The following SPPL2B variants were observed in gnomAD, a reference collection of about 807,000 sequenced individuals.
The protein encoded by SPPL2B is signal peptide peptidase-like 2B.
In SPPL2B, 39 loss-of-function variants were observed where a neutral mutation model predicts 59.7. The observed-to-expected ratio is 0.65, with a 90% CI of 0.51 to 0.85. The LOEUF is 0.85. Among genes scored for constraint, SPPL2B ranks in the 40% least tolerant of loss-of-function variants. The pLI is 0.00. For missense variants in SPPL2B, 865 were observed against 849.0 expected, an observed-to-expected ratio of 1.02 and a Z score of -0.23; for synonymous variants, 419 against 370.8, an observed-to-expected ratio of 1.13 and a Z score of -1.49.
At position 2,331,200 on chromosome 19, in the gene SPPL2B, A is replaced by T. The variant is rs188665231; in HGVS notation, c.66+2425A>T. ...CCCGGCCCGGCTCCTGGAACTCCTC[A>T]GTCTTCCCAGAAGGGAGGCTCTCCC... On this transcript the variant is annotated intron_variant, in intron 1 of 14. Transcript: ENST00000613503. Among the ~76,000 whole-genome samples, 587 of 151,766 alleles carry T rather than the reference A, an allele frequency of 3.9e-3. 4 individuals are homozygous for T. The highest frequency in any genetic ancestry group is 0.02 in the Middle Eastern group (6 of 294).
rs549164631 is a variant in SPPL2B at position 2,344,485 on chromosome 19, T to C, written c.1176+61T>C. 102 of 1,569,624 alleles carry C rather than the reference T, an allele frequency of 6.5e-5. 1 individual carries two copies. In the South Asian group the frequency reaches 1.0e-3, roughly 16 times the overall value. On this transcript the variant is annotated intron_variant, in intron 11 of 14. Transcript: ENST00000613503. ...GGGTCAAGGTGTTGCGCGGAGCGGA[T>C]AGGGCTCGAGGCATCCCGCGGCCGG... is the stretch of plus-strand genomic sequence containing the variant.
Position 2,353,432 on chromosome 19 carries a change from G to T in SPPL2B, c.*223G>T. Reference sequence around the variant, plus strand: ...ACGCCTGCTGCTCCCAGCTCGCCCGGCTGCCACAAGCTCTCTGCGGGTCCA... The same window carrying T: ...ACGCCTGCTGCTCCCAGCTCGCCCGTCTGCCACAAGCTCTCTGCGGGTCCA... On this transcript the variant is annotated 3_prime_UTR_variant, in exon 15 of 15. Coordinates refer to ENST00000613503, the MANE Select transcript of SPPL2B (RefSeq NM_152988.3). 1.7e-6 allele frequency: 1 copy of T among 578,920 alleles called. No homozygotes were observed. The highest frequency in any genetic ancestry group is 3.0e-6 in the Non-Finnish European group (1 of 333,980). 35.9% of individuals were successfully genotyped at this position (578,920 alleles called of 1,614,324 possible). A position where few individuals can be genotyped will look rare whatever the true frequency, so the allele number is the denominator to read the frequency against.
intron 14 of SPPL2B, 75 bp from the exon 15 acceptor site, chr19:2,352,871 G>T: frequency 6.5e-7 from 1 of 1,537,888 alleles, no homozygotes; most frequent in Non-Finnish European, 8.9e-7. Flanking sequence ...TGCGGGTGCT[G>T]GGTGTCCTGG....
rs139159373 is a variant in SPPL2B at position 2,347,139 on chromosome 19, G to A, written c.1354+1809G>A. ...TCTCTCTCCCTCCACACACACTTAC[G>A]CGCTCTCATTCACCTGATTCCGTTC... On this transcript the variant is annotated intron_variant, in intron 13 of 14. Transcript: ENST00000613503. Among the ~76,000 whole-genome samples the A allele has an allele frequency of 3.2e-3, 465 of 145,056 alleles. 3 individuals are homozygous for A. The highest frequency in any genetic ancestry group is 0.011 in the African/African-American group (420 of 37,050).
rs1037948855 is a variant in SPPL2B at position 2,352,947 on chromosome 19, A to G, written c.1517A>G (p.Lys506Arg). 2 of 1,612,012 alleles carry G rather than the reference A, an allele frequency of 1.2e-6. No individual in the cohort carries two copies. Among genetic ancestry groups the G allele is most frequent in the African/African-American group, 2.7e-5 (2 of 74,948 alleles). ...ACCTCTGCCTCCCTTCTCCTGTAGA[A>G]AGTCCTACCTCCATCTCCGTGGGCC... ...GVFWTGSGFA[K>R]VLPPSPWAPA... The change falls in exon 15 of 15, where the codon AAA (lysine) becomes AGA (arginine). Residue 506 changes from lysine to arginine, a missense_variant and splice_region_variant. Transcript: ENST00000613503.
rs749912935 is a variant in SPPL2B at position 2,344,622 on chromosome 19, C to G, written c.1246C>G (p.Leu416Val). The change falls in exon 12 of 15, where the codon CTC becomes GTC. Residue 416 changes from leucine to valine, a missense_variant. Transcript: ENST00000613503. The stretch of plus-strand genomic sequence containing the variant: ...GGCCCTGTGTGACCGGCCCTTCTCC[C>G]TCCTGGGTTTCGGAGACATTTTGGT... ...PLALCDRPFS[L>V]LGFGDILVPG... The G allele has an allele frequency of 2.5e-6, 4 of 1,612,774 alleles. No individual in the cohort carries two copies. In the Admixed American group the frequency reaches 5.0e-5, roughly 20 times the overall value.
In SPPL2B at chr19:2,348,112, G is replaced by A. The variant is rs1165354217; in HGVS notation, c.1354+2782G>A. 4.6e-5 allele frequency among the ~76,000 whole-genome samples: 4 copies of A among 86,126 alleles called. No homozygotes were observed. In the East Asian group the frequency reaches 1.1e-3, roughly 24 times the overall value. 56.5% of individuals were successfully genotyped at this position (86,126 alleles called of 152,430 possible). A position where few individuals can be genotyped will look rare whatever the true frequency, so the allele number is the denominator to read the frequency against. On this transcript the variant is annotated intron_variant, in intron 13 of 14. Transcript: ENST00000613503. ...CATGCGCTGTCATTCGCTTGATTCC[G>A]TTCTCTCTCCACACACACTCACGCT...
At chr19:2,352,637 C>T (rs1969988936) in intron 14 of SPPL2B, among the ~76,000 whole-genome samples, 2 of 152,112 alleles carry the variant, frequency 1.3e-5, no homozygotes, top group African/African-American at 4.8e-5. Context: ...TCAGAAGGTT[C>T]AGGAGAAGCC....
chr19:2,348,405 G>A (rs1229537613), intron 13 of SPPL2B, among the ~76,000 whole-genome samples: 5 of 75,116 alleles, frequency 6.7e-5, no homozygotes, highest in Admixed American at 1.4e-4. Flanking sequence ...ACAGACTCAC[G>A]CGCTCTCATT....
rs1464459258 is a variant in SPPL2B at position 2,354,876 on chromosome 19, G to GA, written c.*1668dup. The GA allele has an allele frequency of 1.3e-5, 2 of 152,334 alleles. No homozygotes were observed. Among genetic ancestry groups the GA allele is most frequent in the African/African-American group, 4.8e-5 (2 of 41,472 alleles). The allele number at this position is 152,334 out of a possible 1,614,324, so 9.4% of individuals were successfully genotyped here. ...TGTGCAGGTCCCGGTGAGCAGAACT[G>GA]AGAGCTGGCAGGCCGCCTGGCTGTC... is the stretch of plus-strand genomic sequence containing the variant. On this transcript the variant is annotated 3_prime_UTR_variant, in exon 15 of 15. Transcript: ENST00000613503.
Position 2,353,127 on chromosome 19 carries a change from G to C in SPPL2B, c.1697G>C (p.Arg566Pro). The C allele has an allele frequency of 6.2e-7, 1 of 1,610,426 alleles. No homozygotes were observed. Among genetic ancestry groups the C allele is most frequent in the Non-Finnish European group, 8.5e-7 (1 of 1,179,142 alleles). Residue 566 changes from arginine to proline, a missense_variant, in exon 15 of 15, where the codon CGG becomes CCG. Physicochemically the swap from Arg to Pro is moderately radical, Grantham distance 103. Coordinates refer to ENST00000613503, the MANE Select transcript of SPPL2B (RefSeq NM_152988.3). ...SEEMGAGAPM[R>P]EPGSPAESEG... The stretch of plus-strand genomic sequence containing the variant: ...GAGATGGGGGCTGGAGCCCCCATGC[G>C]GGAGCCTGGGAGCCCAGCTGAATCC...
At chr19:2,341,175 G>T (rs1288549543) in intron 8 of SPPL2B, 161 bp downstream of exon 8, 1 of 704,216 alleles carries the variant, frequency 1.4e-6, no homozygotes, top group African/African-American at 1.8e-5. Context: ...CTCTGACAGG[G>T]CTGCGAGGGC....
At position 2,339,164 on chromosome 19, in the gene SPPL2B, C is replaced by T. The variant is rs376856746; in HGVS notation, c.555C>T (p.Thr185=). The change falls in exon 5 of 15, where the codon ACC becomes ACT. Residue 185 remains threonine, a synonymous_variant. Coordinates refer to ENST00000613503, the MANE Select transcript of SPPL2B (RefSeq NM_152988.3). The part of the protein sequence containing the change: ...MVIIFIMAVG[T]VAIGGYWAGS... ...TCATCTTCATCATGGCTGTGGGCAC[C>T]GTCGCCATCGGCGGCTACTGGGCCG... The T allele has an allele frequency of 2.6e-5, 41 of 1,603,176 alleles. No homozygotes were observed. Among genetic ancestry groups the T allele is most frequent in the Non-Finnish European group, 3.3e-5 (39 of 1,175,148 alleles).
At chr19:2,348,819 C>T in intron 13 of SPPL2B, among the ~76,000 whole-genome samples, 1 of 137,834 alleles carries the variant, frequency 7.3e-6, no homozygotes, top group African/African-American at 2.9e-5. Context: ...CTCGTGTTCT[C>T]ATTCGCTTGA....
At chr19:2,342,441 A>C (rs1167778538) in intron 8 of SPPL2B, 1 of 152,324 alleles carries the variant, frequency 6.6e-6, no homozygotes, top group Non-Finnish European at 1.5e-5. Flanking sequence ...ACTTGAGGTC[A>C]GGAGTTTGAG....
chr19:2,336,800 T>G (rs1256998815), intron 2 of SPPL2B, among the ~76,000 whole-genome samples: 1 of 146,478 alleles, frequency 6.8e-6, no homozygotes, highest in Non-Finnish European at 1.5e-5. Context: ...TGGGTGTGTG[T>G]GTGTGTGCGC....
rs926571238 is a variant in SPPL2B at position 2,353,366 on chromosome 19, C to A, written c.*157C>A. 5 of 965,124 alleles carry A rather than the reference C, an allele frequency of 5.2e-6. No individual in the cohort carries two copies. The African/African-American group carries it at 8.4e-5, about 16-fold the overall frequency. The allele number at this position is 965,124 out of a possible 1,614,324, so 59.8% of individuals were successfully genotyped here. ...ATGGTGCTCATCCTTGCCGAGACCCCTGCGGTCTGTGCCCGCGCCCAGCCC... is the reference window on the plus strand; with the variant it reads ...ATGGTGCTCATCCTTGCCGAGACCCATGCGGTCTGTGCCCGCGCCCAGCCC... On this transcript the variant is annotated 3_prime_UTR_variant, in exon 15 of 15. Transcript: ENST00000613503.
intron 13 of SPPL2B, among the ~76,000 whole-genome samples, chr19:2,348,269 T>C (rs1375342574): frequency 4.2e-4 from 26 of 62,156 alleles, no homozygotes; most frequent in African/African-American, 7.3e-4. Flanking sequence ...CACGCACTCT[T>C]ATTCGCCTGA....
intron 14 of SPPL2B, 159 bp downstream of exon 14, chr19:2,351,753 C>T (rs1386703577): frequency 2.8e-5 from 22 of 772,616 alleles, no homozygotes; most frequent in East Asian, 5.4e-5. Flanking sequence ...CGTGAGGCCC[C>T]GGTGGAAGGA....
Sources: gnomAD v4.1 joint callset for allele counts (sites outside exome capture counted in the v4.1 genomes callset) on GRCh38, gnomAD v4.1.1 for gene constraint, MANE v1.5 for transcripts, NCBI Gene and HGNC (gene_info 2026-07-23, HGNC 2026-07-21) for gene names.